Variants in GRIN2A observed in about 807,000 individuals in gnomAD.
GRIN2A encodes the protein glutamate ionotropic receptor NMDA type subunit 2A.
A neutral mutation model predicts 113.4 loss-of-function variants in GRIN2A; 22 were observed. That is an observed-to-expected ratio of 0.19 (90% confidence interval 0.14 to 0.28). The LOEUF (loss-of-function observed/expected upper bound fraction) is 0.28. GRIN2A is among the 10% of genes least tolerant of loss of function. The pLI, the probability that GRIN2A is intolerant of heterozygous loss-of-function variation, is 1.00. For synonymous variants in GRIN2A, 827 were observed against 738.4 expected (o/e 1.12, Z -1.94); for missense variants, 1,502 against 1,887.0 (o/e 0.80, Z 3.78).
chr16:10,067,966 T>A (rs2047680898), intron 2 of GRIN2A, among the ~76,000 whole-genome samples: 1 of 152,224 alleles, frequency 6.6e-6, no homozygotes, highest in Non-Finnish European at 1.5e-5. Context: ...GCTCTGCTAC[T>A]CAGTGGCTGT....
intron 4 of GRIN2A, among the ~76,000 whole-genome samples, chr16:9,880,328 C>G (rs543439378): frequency 1.4e-4 from 22 of 152,344 alleles, no homozygotes; most frequent in Non-Finnish European, 2.4e-4. Context: ...TTCTCACACT[C>G]CAAATTTCTT....
At chr16:10,175,640 T>A (rs1111536) in intron 2 of GRIN2A, among the ~76,000 whole-genome samples, 149,152 of 152,182 alleles carry the variant, frequency 0.98, 73,157 homozygotes, top group East Asian at 1. Flanking sequence ...ACAGTTTTTT[T>A]AAAAATCTGC....
chr16:9,762,403 G>A lies in GRIN2A; in HGVS notation c.*746C>T, dbSNP rs538650733. 28 of 226,164 alleles carry A rather than the reference G, an allele frequency of 1.2e-4. No individual in the cohort carries two copies. Among genetic ancestry groups the A allele is most frequent in the African/African-American group, 4.4e-4 (20 of 44,998 alleles). The allele number at this position is 226,164 out of a possible 1,614,324, so 14.0% of individuals were successfully genotyped here. ...TCTGAACAAGACCATCGAAGCCGAG[G>A]GTGAGAGAAACACACATCAACATCC... is the stretch of plus-strand genomic sequence containing the variant. On this transcript the variant is annotated 3_prime_UTR_variant, in exon 13 of 13. Transcript: ENST00000330684.
In GRIN2A at chr16:9,758,473, C is replaced by A; in HGVS notation, c.*4676G>T. ...TTAAAAAAATATAGTGCCCTCTCTACAGAAATATCCTCCCATAAAAATAAC... is the reference window on the plus strand; with the variant it reads ...TTAAAAAAATATAGTGCCCTCTCTAAAGAAATATCCTCCCATAAAAATAAC... On this transcript the variant is annotated 3_prime_UTR_variant, in exon 13 of 13. Transcript: ENST00000330684. 1 of 217,666 alleles carries A rather than the reference C, an allele frequency of 4.6e-6. No individual in the cohort carries two copies. Among genetic ancestry groups the A allele is most frequent in the Non-Finnish European group, 9.2e-6 (1 of 108,216 alleles). The allele number at this position is 217,666 out of a possible 1,614,324, so 13.5% of individuals were successfully genotyped here.
At position 9,891,034 on chromosome 16, in the gene GRIN2A, G is replaced by C. The variant is rs763315364; in HGVS notation, c.1074C>G (p.His358Gln). The C allele has an allele frequency of 2.9e-5, 46 of 1,613,394 alleles. No individual in the cohort carries two copies. The South Asian group carries it at 4.7e-4, about 17-fold the overall frequency. The change falls in exon 4 of 13, where the codon CAC (histidine) becomes CAG (glutamine). Residue 358 changes from histidine to glutamine, a missense_variant. Around this residue, in one of 7 missense-constraint regions of GRIN2A, gnomAD observed 334 missense variants for 403.0 expected, o/e 0.83. Coordinates refer to ENST00000330684, the MANE Select transcript of GRIN2A (RefSeq NM_001134407.3). ...LSFTEEGYQV[H>Q]PRLVVIVLNK... is the part of the protein sequence containing the mutation. ...TCAGCACAATCACCACCAGCCTGGG[G>C]TGCACCTGGTAGCCTTCCTCAGTGA...
intron 2 of GRIN2A, among the ~76,000 whole-genome samples, chr16:10,147,453 T>TAAAAAAA (rs1312839921): frequency 4.3e-5 from 1 of 23,152 alleles, no homozygotes. Flanking sequence ...CTACTAAAAA[T>TAAAAAAA]ACAAAAAAAA....
chr16:9,976,714 TCA>T (rs1186172606), intron 2 of GRIN2A, among the ~76,000 whole-genome samples: 1 of 152,118 alleles, frequency 6.6e-6, no homozygotes, highest in Non-Finnish European at 1.5e-5. Flanking sequence ...AGTAATGAAA[TCA>T]CAGGCGCACA....
At chr16:9,925,406 C>T (rs954998049) in intron 3 of GRIN2A, among the ~76,000 whole-genome samples, 2 of 152,182 alleles carry the variant, frequency 1.3e-5, no homozygotes, top group Non-Finnish European at 2.9e-5. Context: ...AGTGTCCTCA[C>T]CCTTATGTTG....
chr16:9,905,434 C>T (rs765095999), intron 3 of GRIN2A, among the ~76,000 whole-genome samples: 21 of 152,028 alleles, frequency 1.4e-4, no homozygotes, highest in Admixed American at 1.1e-3. Flanking sequence ...ATGAGTAAAA[C>T]GAGCCAGGTG....
chr16:9,972,808 A>G (rs2045699208), intron 2 of GRIN2A, among the ~76,000 whole-genome samples: 1 of 152,236 alleles, frequency 6.6e-6, no homozygotes, highest in African/African-American at 2.4e-5. Flanking sequence ...GAGCCGATTT[A>G]TCAAGACAGG....
At chr16:10,088,749 C>T (rs79153367) in intron 2 of GRIN2A, among the ~76,000 whole-genome samples, 12,461 of 152,278 alleles carry the variant, frequency 0.082, 694 homozygotes, top group Non-Finnish European at 0.13. Flanking sequence ...TTCCTCTCTC[C>T]AGAGTCAGCA....
chr16:9,827,328 G>A (rs754180361), intron 9 of GRIN2A, among the ~76,000 whole-genome samples: 7 of 152,230 alleles, frequency 4.6e-5, no homozygotes, highest in Admixed American at 1.3e-4. Context: ...GGATCTTACA[G>A]TAGCTGACCC....
chr16:9,968,677 G>A (rs942681590), intron 2 of GRIN2A, among the ~76,000 whole-genome samples: 4 of 151,906 alleles, frequency 2.6e-5, no homozygotes, highest in Non-Finnish European at 4.4e-5. Flanking sequence ...GCGTGATCTC[G>A]GCTCACTGCA....
chr16:10,161,469 A>G (rs2049807689), intron 2 of GRIN2A, among the ~76,000 whole-genome samples: 1 of 152,200 alleles, frequency 6.6e-6, no homozygotes, highest in African/African-American at 2.4e-5. Flanking sequence ...ATTTTAAATT[A>G]TTTCGCCTTA....
intron 11 of GRIN2A, among the ~76,000 whole-genome samples, chr16:9,773,975 T>TTG (rs933165077): frequency 5.0e-5 from 5 of 100,670 alleles, no homozygotes; most frequent in South Asian, 2.6e-4. Flanking sequence ...TGAGGCAGTG[T>TTG]TGTGTGTGTG....
At chr16:9,806,769 A>AG (rs943885311) in intron 10 of GRIN2A, among the ~76,000 whole-genome samples, 2 of 152,036 alleles carry the variant, frequency 1.3e-5, no homozygotes, top group Non-Finnish European at 2.9e-5. Context: ...AAGAGAAAAA[A>AG]GGGGGGAAAG....
intron 8 of GRIN2A, among the ~76,000 whole-genome samples, chr16:9,832,702 A>T (rs1029449280): frequency 1.3e-5 from 2 of 152,214 alleles, no homozygotes; most frequent in African/African-American, 4.8e-5. Context: ...ACTGTATCAC[A>T]GTGTGGTCAC....
At chr16:9,920,371 A>G (rs1415853743) in intron 3 of GRIN2A, among the ~76,000 whole-genome samples, 2 of 152,274 alleles carry the variant, frequency 1.3e-5, no homozygotes, top group Admixed American at 1.3e-4. Context: ...GGCTGAAGAC[A>G]AACACCCTCT....
intron 2 of GRIN2A, among the ~76,000 whole-genome samples, chr16:10,109,447 A>G (rs1319717940): frequency 1.3e-5 from 2 of 152,178 alleles, no homozygotes; most frequent in Non-Finnish European, 2.9e-5. Flanking sequence ...CTGATTCCAA[A>G]ACCAGAGGAA....
Sources: allele counts gnomAD v4.1 joint callset (sites outside exome capture counted in the v4.1 genomes callset), GRCh38; gene constraint gnomAD v4.1.1; regional missense constraint gnomAD v4.1.1; transcripts MANE v1.5; gene names NCBI Gene and HGNC (gene_info 2026-07-23, HGNC 2026-07-21).